Variants in NEK1 observed in about 807,000 individuals in gnomAD.
The protein encoded by NEK1 is serine/threonine-protein kinase Nek1.
A neutral mutation model predicts 182.1 loss-of-function variants in NEK1; 137 were observed. That is an observed-to-expected ratio of 0.75 (90% confidence interval 0.65 to 0.87). NEK1 has a LOEUF of 0.87. NEK1 is among the 40% of genes least tolerant of loss of function. The pLI, the probability that NEK1 is intolerant of heterozygous loss-of-function variation, is 0.00. For missense variants in NEK1, 1,391 were observed against 1,494.4 expected, an observed-to-expected ratio of 0.93 and a Z score of 1.14; for synonymous variants, 513 against 492.2, an observed-to-expected ratio of 1.04 and a Z score of -0.56.
intron 27 of NEK1, among the ~76,000 whole-genome samples, chr4:169,461,168 C>T (rs1743894977): frequency 6.6e-6 from 1 of 152,128 alleles, no homozygotes; most frequent in Admixed American, 6.6e-5. Flanking sequence ...GAACCAAAGC[C>T]CATTCTCTTT....
intron 19 of NEK1, among the ~76,000 whole-genome samples, chr4:169,534,688 C>G (rs1758177930): frequency 7.5e-6 from 1 of 134,060 alleles, no homozygotes; most frequent in Non-Finnish European, 1.6e-5. Flanking sequence ...GAAGACTGTT[C>G]TGTACTGGCC....
intron 9 of NEK1, 142 bp from the exon 10 acceptor site, chr4:169,585,691 A>G (rs1237244076): frequency 9.1e-6 from 5 of 547,314 alleles, no homozygotes; most frequent in Non-Finnish European, 1.5e-5. Flanking sequence ...TGTTTTCTAG[A>G]GCAAAGTTTA....
intron 12 of NEK1, among the ~76,000 whole-genome samples, chr4:169,566,584 A>G (rs942212548): frequency 6.6e-6 from 1 of 152,224 alleles, no homozygotes; most frequent in Non-Finnish European, 1.5e-5. Context: ...AGCAAAAAAA[A>G]GTCTCACAAT....
chr4:169,487,974 T>G (rs1024798757), intron 23 of NEK1, among the ~76,000 whole-genome samples: 2 of 152,200 alleles, frequency 1.3e-5, no homozygotes, highest in African/African-American at 2.4e-5. Context: ...TTAAGAAGTG[T>G]CTGTTTATGT....
At chr4:169,567,907 T>G (rs1252522882) in intron 12 of NEK1, among the ~76,000 whole-genome samples, 1 of 152,150 alleles carries the variant, frequency 6.6e-6, no homozygotes, top group Non-Finnish European at 1.5e-5. Context: ...TATTATTAAC[T>G]GAAATCTGAA....
At chr4:169,492,599 C>T (rs28698165) in intron 23 of NEK1, among the ~76,000 whole-genome samples, 4,653 of 152,266 alleles carry the variant, frequency 0.031, 187 homozygotes, top group African/African-American at 0.085. Flanking sequence ...CTTAGCCATG[C>T]TGCACCCACC....
At chr4:169,595,728 C>G (rs1394354272) in intron 5 of NEK1, among the ~76,000 whole-genome samples, 1 of 151,868 alleles carries the variant, frequency 6.6e-6, no homozygotes, top group African/African-American at 2.4e-5. Context: ...TCAAGACCAT[C>G]CTGGCTAACA....
chr4:169,472,143 A>G (rs998996708), intron 26 of NEK1, among the ~76,000 whole-genome samples: 1 of 151,846 alleles, frequency 6.6e-6, no homozygotes, highest in Non-Finnish European at 1.5e-5. Context: ...CTGGCATTCC[A>G]GGTGCCACTG....
At chr4:169,402,258 T>G (rs1179012981) in intron 32 of NEK1, among the ~76,000 whole-genome samples, 1 of 152,256 alleles carries the variant, frequency 6.6e-6, no homozygotes, top group Non-Finnish European at 1.5e-5. Context: ...ATTTTCTCTT[T>G]TATGGAATTT....
At chr4:169,449,295 G>A (rs929640183) in intron 27 of NEK1, among the ~76,000 whole-genome samples, 1 of 152,254 alleles carries the variant, frequency 6.6e-6, no homozygotes, top group Non-Finnish European at 1.5e-5. Context: ...CAGCTCTGAA[G>A]AGAGCAGTGG....
chr4:169,481,390 C>A (rs10023117), intron 23 of NEK1, among the ~76,000 whole-genome samples: 13,408 of 152,180 alleles, frequency 0.088, 772 homozygotes, highest in African/African-American at 0.16. Context: ...TTAGAGGAAC[C>A]ATTATCTATG....
chr4:169,516,495 C>A (rs1360758443), intron 19 of NEK1, among the ~76,000 whole-genome samples: 1 of 93,310 alleles, frequency 1.1e-5, no homozygotes. Context: ...TGTGCAGAAG[C>A]TCTTTAGTTT....
In NEK1 at chr4:169,561,693, C is replaced by G; in HGVS notation, c.1185G>C (p.Lys395Asn). ...TAATAGATTATCCTCTTACCCTTTC[C>G]TTTTCTTGCCTTTTCATTTGTTCAG... is the stretch of plus-strand genomic sequence containing the variant. Reference protein sequence around the residue: ...MKAEQMKRQEKERLERINRAR... With the variant: ...MKAEQMKRQENERLERINRAR... The change falls in exon 15 of 36, where the codon AAG becomes AAC. Residue 395 changes from lysine (K) to asparagine (N), a missense_variant. Transcript: ENST00000507142. 6.4e-7 allele frequency: 1 copy of G among 1,565,564 alleles called. No homozygotes were observed. The highest frequency in any genetic ancestry group is 8.7e-7 in the Non-Finnish European group (1 of 1,153,830).
intron 18 of NEK1, among the ~76,000 whole-genome samples, chr4:169,546,946 T>G (rs1760571967): frequency 6.6e-6 from 1 of 152,258 alleles, no homozygotes; most frequent in Admixed American, 6.5e-5. Context: ...AGTCTGTGTC[T>G]GTTAATGCAG....
At position 169,462,064 on chromosome 4, in the gene NEK1, C is replaced by T. The variant is rs574337961; in HGVS notation, c.2587+1179G>A. Among the ~76,000 whole-genome samples, 37 of 152,090 alleles carry T rather than the reference C, an allele frequency of 2.4e-4. No individual in the cohort carries two copies. In the Middle Eastern group the frequency reaches 0.01, roughly 42 times the overall value. ...AATTGCATATATTTAATTAATAAAA[C>T]GACATCAAGGAATCAGAATCTAATA... On this transcript the variant is annotated intron_variant, in intron 27 of 35. Transcript: ENST00000507142.
intron 23 of NEK1, among the ~76,000 whole-genome samples, chr4:169,487,429 C>T (rs1296409467): frequency 6.6e-6 from 1 of 152,172 alleles, no homozygotes; most frequent in Non-Finnish European, 1.5e-5. Context: ...TTTTCTGTTC[C>T]TGTGTTAGTC....
intron 29 of NEK1, among the ~76,000 whole-genome samples, chr4:169,428,351 G>GACATATATATATATATATATATAT: frequency 1.1e-5 from 1 of 93,246 alleles, no homozygotes; most frequent in East Asian, 4.6e-4. Context: ...AAATATATGG[G>GACATATATATATATATATATATAT]ATATATATAT....
At chr4:169,425,802 G>A (rs891973754) in intron 30 of NEK1, among the ~76,000 whole-genome samples, 1 of 152,168 alleles carries the variant, frequency 6.6e-6, no homozygotes, top group African/African-American at 2.4e-5. Context: ...ACAGGTGTAA[G>A]CCATTACACC....
chr4:169,609,549 G>A (rs923939035), intron 2 of NEK1, among the ~76,000 whole-genome samples: 1 of 151,948 alleles, frequency 6.6e-6, no homozygotes, highest in South Asian at 2.1e-4. Flanking sequence ...CATTTGTTTA[G>A]TAAAAGGAAA....
Sources: allele counts gnomAD v4.1 joint callset (sites outside exome capture counted in the v4.1 genomes callset), GRCh38; gene constraint gnomAD v4.1.1; transcripts MANE v1.5; gene names NCBI Gene and HGNC (gene_info 2026-07-23, HGNC 2026-07-21).